ALX4: variants seen among roughly 807,000 people sequenced by gnomAD.
ALX4 encodes the protein ALX homeobox 4.
A neutral mutation model predicts 40.6 loss-of-function variants in ALX4; 22 were observed. That is an observed-to-expected ratio of 0.54 (90% CI 0.39 to 0.77). The LOEUF (loss-of-function observed/expected upper bound fraction) is 0.77. ALX4 is among the 30% of genes least tolerant of loss of function. ALX4 has a pLI of 0.00. For synonymous variants in ALX4, 266 were observed against 240.5 expected (o/e 1.11, Z -0.98); for missense variants, 556 against 564.8 (o/e 0.98, Z 0.16).
intron 2 of ALX4, 145 bp from the exon 3 acceptor site, chr11:44,267,767 T>G: frequency 9.0e-7 from 1 of 1,109,426 alleles, no homozygotes; most frequent in Non-Finnish European, 1.3e-6. Context: ...AATATCAACC[T>G]TGGTCTTTGT....
chr11:44,267,836 A>G (rs896911872), intron 2 of ALX4, among the ~76,000 whole-genome samples: 2 of 152,198 alleles, frequency 1.3e-5, no homozygotes, highest in African/African-American at 4.8e-5. Flanking sequence ...TCTTACCCCC[A>G]CTAGCCATGG....
intron 1 of ALX4, among the ~76,000 whole-genome samples, chr11:44,301,972 G>A (rs1470536106): frequency 6.6e-6 from 1 of 152,166 alleles, no homozygotes; most frequent in Non-Finnish European, 1.5e-5. Flanking sequence ...CCAGGATGAC[G>A]CGGGGGGTGG....
rs543188170 is a variant in ALX4 at position 44,272,830 on chromosome 11, A to T, written c.777+2518T>A. On this transcript the variant is annotated intron_variant, in intron 2 of 3. Coordinates refer to ENST00000652299, the MANE Select transcript of ALX4 (RefSeq NM_021926.4). ...TCTCAAAAAATAAAAAAATAAAAAA[A>T]AAATGGCAGGCTGCCCTCAGGGAAC... Among the ~76,000 whole-genome samples, 378 of 152,254 alleles carry T rather than the reference A, an allele frequency of 2.5e-3. 1 individual carries two copies. The highest frequency in any genetic ancestry group is 8.4e-3 in the African/African-American group (347 of 41,556).
intron 2 of ALX4, among the ~76,000 whole-genome samples, chr11:44,269,204 A>C (rs544661409): frequency 6.6e-6 from 1 of 152,336 alleles, no homozygotes. Flanking sequence ...TAGCTGGCCA[A>C]TGGACAGGCT....
In ALX4 at chr11:44,275,620, C is replaced by A. The variant is rs954730060; in HGVS notation, c.505G>T (p.Asp169Tyr). 1 of 1,613,458 alleles carries A rather than the reference C, an allele frequency of 6.2e-7. No individual in the cohort carries two copies. Among genetic ancestry groups the A allele is most frequent in the Non-Finnish European group, 8.5e-7 (1 of 1,179,644 alleles). The change falls in exon 2 of 4, where the codon GAC becomes TAC. Residue 169 changes from aspartate to tyrosine, a missense_variant. Transcript: ENST00000652299. ...SSLGEPELPP[D>Y]SDTVGMDSSY... The stretch of plus-strand genomic sequence containing the variant: ...CTGTCCATCCCCACAGTGTCAGAGT[C>A]AGGGGGTAACTCTGGCTCACCCAGG...
At chr11:44,295,613 A>T (rs887783713) in intron 1 of ALX4, among the ~76,000 whole-genome samples, 1 of 152,218 alleles carries the variant, frequency 6.6e-6, no homozygotes, top group South Asian at 2.1e-4. Context: ...AGGGTAGGGG[A>T]CAGGGAGTTG....
At chr11:44,274,339 G>T (rs1171458063) in intron 2 of ALX4, among the ~76,000 whole-genome samples, 2 of 151,854 alleles carry the variant, frequency 1.3e-5, no homozygotes, top group Non-Finnish European at 1.5e-5. Context: ...ATATTGGGTT[G>T]TGTTGTGTTG....
At chr11:44,271,102 T>G (rs1332751017) in intron 2 of ALX4, among the ~76,000 whole-genome samples, 1 of 152,026 alleles carries the variant, frequency 6.6e-6, no homozygotes, top group African/African-American at 2.4e-5. Flanking sequence ...CAGCTGAGTA[T>G]GGGCCCTGAA....
At chr11:44,297,607 T>C (rs767409295) in intron 1 of ALX4, among the ~76,000 whole-genome samples, 4 of 152,082 alleles carry the variant, frequency 2.6e-5, no homozygotes, top group Non-Finnish European at 5.9e-5. Flanking sequence ...TCCCAGCTAC[T>C]TGGGAGGCTG....
At chr11:44,267,356 G>A (rs1398874876) in intron 3 of ALX4, 138 bp downstream of exon 3, 1 of 1,159,956 alleles carries the variant, frequency 8.6e-7, no homozygotes, top group Non-Finnish European at 1.2e-6. Context: ...GGTATAAACA[G>A]GCACACCCCT....
rs531806613 is a variant in ALX4 at position 44,279,990 on chromosome 11, C to A, written c.467-4332G>T. Among the ~76,000 whole-genome samples the A allele has an allele frequency of 4.0e-4, 61 of 152,180 alleles. 1 individual carries two copies. The highest frequency in any genetic ancestry group is 5.3e-4 in the Non-Finnish European group (36 of 68,022). On this transcript the variant is annotated intron_variant, in intron 1 of 3. Coordinates refer to ENST00000652299, the MANE Select transcript of ALX4 (RefSeq NM_021926.4). ...GCTCTGTCCAGGTATCTGTGTGCAC[C>A]TTTGGTGAGCCGATGTTCTATAGAG...
In ALX4 at chr11:44,303,808, T is replaced by G. The variant is rs181010611; in HGVS notation, c.466+5789A>C. Among the ~76,000 whole-genome samples, 468 of 152,350 alleles carry G rather than the reference T, an allele frequency of 3.1e-3. 5 individuals are homozygous for G. In the Middle Eastern group the frequency reaches 0.037, roughly 12 times the overall value. On this transcript the variant is annotated intron_variant, in intron 1 of 3. Transcript: ENST00000652299. ...CTTCTTCCGCATCACCAAATTTTTG[T>G]CATCCTTTCTGAGGGACCTGCTTCC... is the stretch of plus-strand genomic sequence containing the variant.
intron 1 of ALX4, among the ~76,000 whole-genome samples, chr11:44,281,262 T>A (rs1408760223): frequency 6.6e-6 from 1 of 151,930 alleles, no homozygotes; most frequent in East Asian, 1.9e-4. Flanking sequence ...GGGGAACATA[T>A]GTGTAGTTGC....
chr11:44,287,151 G>A (rs906084558), intron 1 of ALX4, among the ~76,000 whole-genome samples: 4 of 152,322 alleles, frequency 2.6e-5, no homozygotes, highest in African/African-American at 7.2e-5. Flanking sequence ...CCACTGCTCC[G>A]CCCTCACACA....
intron 3 of ALX4, 87 bp from the exon 4 acceptor site, chr11:44,265,270 C>A: frequency 8.1e-7 from 1 of 1,229,866 alleles, no homozygotes; most frequent in South Asian, 1.5e-5. Context: ...CACCTCTCCC[C>A]TCACTGTCCA....
chr11:44,291,470 G>A (rs1002405027), intron 1 of ALX4, among the ~76,000 whole-genome samples: 11 of 151,238 alleles, frequency 7.3e-5, no homozygotes, highest in African/African-American at 1.2e-4. Flanking sequence ...GTGCAGTGGT[G>A]CGATCTCGGC....
At position 44,310,099 on chromosome 11, in the gene ALX4, G is replaced by T. The variant is rs772303422; in HGVS notation, c.-37C>A. ...GCAGGCGGCGGGCGGGGACGCGAGC[G>T]AGGGCGCGAGGACGCCACCGCGCGC... On this transcript the variant is annotated 5_prime_UTR_variant, in exon 1 of 4. Transcript: ENST00000652299. The T allele has an allele frequency of 1.6e-5, 25 of 1,542,926 alleles. No homozygotes were observed. The African/African-American group carries it at 2.9e-4, about 18-fold the overall frequency.
intron 1 of ALX4, among the ~76,000 whole-genome samples, chr11:44,279,466 G>A (rs1330687590): frequency 1.3e-5 from 2 of 152,168 alleles, no homozygotes; most frequent in East Asian, 1.9e-4. Flanking sequence ...AGATGACCCC[G>A]GGCTGGCTGG....
chr11:44,273,724 AG>A (rs1400171079), intron 2 of ALX4, among the ~76,000 whole-genome samples: 1 of 152,038 alleles, frequency 6.6e-6, no homozygotes, highest in Non-Finnish European at 1.5e-5. Context: ...GGCTGAGGTG[AG>A]GGATTACTTG....
Sources: allele counts gnomAD v4.1 joint callset (sites outside exome capture counted in the v4.1 genomes callset), GRCh38; gene constraint gnomAD v4.1.1; transcripts MANE v1.5; gene names NCBI Gene and HGNC (gene_info 2026-07-23, HGNC 2026-07-21).